TAFA1: variants seen among roughly 807,000 people sequenced by gnomAD.
TAFA1 encodes chemokine-like protein TAFA-1.
In TAFA1, 4 loss-of-function variants were observed where a neutral mutation model predicts 18.5. The ratio of observed to expected loss-of-function variants is 0.22; its 90% CI spans 0.11 to 0.49. The LOEUF (loss-of-function observed/expected upper bound fraction) is 0.49, where lower values mean the gene tolerates loss of function less well. Ranked by LOEUF, TAFA1 falls within the 20% of genes least tolerant of loss-of-function variation. The pLI, the probability that TAFA1 is intolerant of heterozygous loss-of-function variation, is 0.98. For synonymous variants in TAFA1, 56 were observed against 55.2 expected, an observed-to-expected ratio of 1.01 and a Z score of -0.06; for missense variants, 147 against 169.0, an observed-to-expected ratio of 0.87 and a Z score of 0.72.
chr3:68,328,371 A>C (rs546088788), intron 2 of TAFA1, among the ~76,000 whole-genome samples: 1 of 152,326 alleles, frequency 6.6e-6, no homozygotes, highest in South Asian at 2.1e-4. Context: ...CAGTTTCAGA[A>C]GGACAGTCTC....
intron 2 of TAFA1, among the ~76,000 whole-genome samples, chr3:68,017,309 G>A (rs1704590421): frequency 6.6e-6 from 1 of 152,184 alleles, no homozygotes; most frequent in African/African-American, 2.4e-5. Flanking sequence ...GTGAACATTT[G>A]TAGGGCAACA....
chr3:68,139,876 A>G (rs1258226971), intron 2 of TAFA1, among the ~76,000 whole-genome samples: 1 of 152,188 alleles, frequency 6.6e-6, no homozygotes, highest in East Asian at 1.9e-4. Context: ...GGCTGGCTCT[A>G]TGGCTTACTA....
chr3:68,105,170 A>G (rs2065190035), intron 2 of TAFA1, among the ~76,000 whole-genome samples: 1 of 152,130 alleles, frequency 6.6e-6, no homozygotes, highest in Non-Finnish European at 1.5e-5. Context: ...GCCATTTATG[A>G]GGCATCTGCC....
At chr3:68,209,448 C>T (rs182586553) in intron 2 of TAFA1, among the ~76,000 whole-genome samples, 2 of 152,148 alleles carry the variant, frequency 1.3e-5, no homozygotes, top group African/African-American at 4.8e-5. Context: ...GGCTCTATAA[C>T]AAATGGAAAG....
At position 68,447,238 on chromosome 3, in the gene TAFA1, A is replaced by T. The variant is rs552503412; in HGVS notation, c.259+29818A>T. ...GCCTCCTAAGATTAGTGGTAAGATTATTCTATTTTATGGAGAGGAAAACTG... is the reference window on the plus strand; with the variant it reads ...GCCTCCTAAGATTAGTGGTAAGATTTTTCTATTTTATGGAGAGGAAAACTG... On this transcript the variant is annotated intron_variant, in intron 3 of 4. Coordinates refer to ENST00000478136, the MANE Select transcript of TAFA1 (RefSeq NM_213609.4). Among the ~76,000 whole-genome samples, 4 of 152,306 alleles carry T rather than the reference A, an allele frequency of 2.6e-5. No homozygotes were observed. In the South Asian group the frequency reaches 8.3e-4, roughly 32 times the overall value.
At chr3:68,091,322 A>C (rs1295600349) in intron 2 of TAFA1, among the ~76,000 whole-genome samples, 6 of 152,242 alleles carry the variant, frequency 3.9e-5, no homozygotes, top group African/African-American at 1.2e-4. Context: ...GTATATCTTA[A>C]AGTTAGTATG....
At chr3:68,024,669 G>T (rs1704773811) in intron 2 of TAFA1, among the ~76,000 whole-genome samples, 1 of 152,090 alleles carries the variant, frequency 6.6e-6, no homozygotes, top group Non-Finnish European at 1.5e-5. Flanking sequence ...GGTTCAGGAA[G>T]ATGGCATTTA....
At chr3:68,384,635 T>C (rs889357151) in intron 2 of TAFA1, among the ~76,000 whole-genome samples, 5 of 152,100 alleles carry the variant, frequency 3.3e-5, no homozygotes, top group Non-Finnish European at 5.9e-5. Context: ...GAAGAATATA[T>C]ATTCTGTTGT....
intron 4 of TAFA1, among the ~76,000 whole-genome samples, chr3:68,544,093 G>C (rs1213526525): frequency 6.6e-6 from 1 of 151,946 alleles, no homozygotes; most frequent in African/African-American, 2.4e-5. Context: ...TGAAAGTGCA[G>C]GGCCCTTGTT....
intron 3 of TAFA1, among the ~76,000 whole-genome samples, chr3:68,501,251 C>T (rs901777043): frequency 6.6e-6 from 1 of 150,674 alleles, no homozygotes; most frequent in Non-Finnish European, 1.5e-5. Context: ...TTAATTCTCT[C>T]ATCTTTTGCT....
intron 3 of TAFA1, among the ~76,000 whole-genome samples, chr3:68,506,287 A>T (rs1433738652): frequency 2.0e-5 from 3 of 152,002 alleles, no homozygotes; most frequent in African/African-American, 7.2e-5. Context: ...CCAGTCTATC[A>T]CTGATGGACA....
chr3:68,248,011 G>A (rs1349207357), intron 2 of TAFA1, among the ~76,000 whole-genome samples: 1 of 152,230 alleles, frequency 6.6e-6, no homozygotes, highest in Admixed American at 6.5e-5. Context: ...TTGAACCACT[G>A]TTGGCTAAAA....
intron 1 of TAFA1, among the ~76,000 whole-genome samples, chr3:68,005,712 C>T (rs1341698869): frequency 1.3e-5 from 2 of 152,180 alleles, no homozygotes; most frequent in Admixed American, 6.5e-5. Flanking sequence ...GTAGAAAATG[C>T]TTCCCTATCA....
intron 2 of TAFA1, among the ~76,000 whole-genome samples, chr3:68,033,529 A>T (rs143564077): frequency 6.6e-6 from 1 of 152,194 alleles, no homozygotes; most frequent in African/African-American, 2.4e-5. Context: ...AAACAAGAAC[A>T]TTCTCCATCC....
At chr3:68,212,857 A>G (rs1421293192) in intron 2 of TAFA1, among the ~76,000 whole-genome samples, 1 of 151,886 alleles carries the variant, frequency 6.6e-6, no homozygotes, top group Non-Finnish European at 1.5e-5. Context: ...GCACTGACAC[A>G]CTCAGCTATG....
intron 2 of TAFA1, among the ~76,000 whole-genome samples, chr3:68,372,945 C>T (rs528465925): frequency 3.6e-4 from 55 of 152,208 alleles, no homozygotes; most frequent in African/African-American, 1.3e-3. Context: ...ACAGGAAGGC[C>T]GCTGCCTGTT....
rs570202293 is a variant in TAFA1, at chr3:68,510,573, G to A, written c.260-28183G>A. Among the ~76,000 whole-genome samples, 14 of 152,172 alleles carry A rather than the reference G, an allele frequency of 9.2e-5. 1 individual carries two copies. In the South Asian group the frequency reaches 2.9e-3, roughly 32 times the overall value. ...GGCAAAAGCCTGAGCTGTAAGTCTC[G>A]GCTGCCTATGTAGCCAACAGTCCAC... is the stretch of plus-strand genomic sequence containing the variant. On this transcript the variant is annotated intron_variant, in intron 3 of 4. Transcript: ENST00000478136.
intron 3 of TAFA1, among the ~76,000 whole-genome samples, chr3:68,451,710 A>ACCC (rs2106896746): frequency 1.3e-5 from 2 of 152,358 alleles, no homozygotes; most frequent in Admixed American, 6.5e-5. Flanking sequence ...AAAGACAACA[A>ACCC]GACCAAACTG....
chr3:68,176,356 C>T (rs191119190), intron 2 of TAFA1, among the ~76,000 whole-genome samples: 1 of 152,158 alleles, frequency 6.6e-6, no homozygotes, highest in African/African-American at 2.4e-5. Context: ...GTGTCAAGTC[C>T]CTGTGGTCCT....
Sources: gnomAD v4.1 joint callset for allele counts (sites outside exome capture counted in the v4.1 genomes callset) on GRCh38, gnomAD v4.1.1 for gene constraint, MANE v1.5 for transcripts, NCBI Gene and HGNC (gene_info 2026-07-23, HGNC 2026-07-21) for gene names.